DNHD1: variants seen among roughly 807,000 people sequenced by gnomAD.
DNHD1 encodes dynein heavy chain domain 1, also known as dynein heavy chain domain-containing protein 1.
A neutral mutation model predicts 458.1 loss-of-function variants in DNHD1; 383 were observed. The observed-to-expected ratio is 0.84, with a 90% CI of 0.77 to 0.91. The LOEUF is 0.91. DNHD1 is among the 40% of genes least tolerant of loss of function. The probability of loss-of-function intolerance (pLI) is 0.00; values close to 1 mark genes in which losing one functional copy is unlikely to be tolerated. For synonymous variants in DNHD1, 2,203 were observed against 2,376.9 expected (o/e 0.93, Z 2.13); for missense variants, 5,336 against 5,866.1 (o/e 0.91, Z 2.95).
intron 7 of DNHD1, 145 bp downstream of exon 7, chr11:6,511,574 CA>C (rs1282376298): frequency 7.6e-6 from 8 of 1,054,462 alleles, no homozygotes; most frequent in Admixed American, 2.7e-5. Context: ...TGCCCAGCAA[CA>C]GCAGTTTCTG....
chr11:6,564,394 T>C lies in DNHD1; in HGVS notation c.10346T>C (p.Ile3449Thr), dbSNP rs777018534. 9.7e-6 allele frequency: 15 copies of C among 1,551,256 alleles called. No individual in the cohort carries two copies. In the African/African-American group the frequency reaches 1.8e-4, roughly 18 times the overall value. The change falls in exon 32 of 43, where the codon ATC becomes ACC. Residue 3449 changes from isoleucine (I) to threonine (T), a missense_variant. Ile to Thr is a moderately conservative substitution (Grantham distance 89). This residue lies in a region of DNHD1 where 3,932 missense variants were observed against 4,365.6 expected (regional missense o/e 0.90). Coordinates refer to ENST00000254579, the MANE Select transcript of DNHD1 (RefSeq NM_144666.3). The stretch of plus-strand genomic sequence containing the variant: ...ACCCTCCTATGTTCAGCTGCCATCA[T>C]CTACCTGGGTCCCTTCCCACCATTG... Reference protein sequence around the residue: ...GDTLLCSAAIIYLGPFPPLRR... With the variant: ...GDTLLCSAAITYLGPFPPLRR...
At chr11:6,536,688 A>AT (rs1161238129) in intron 14 of DNHD1, among the ~76,000 whole-genome samples, 10 of 152,330 alleles carry the variant, frequency 6.6e-5, no homozygotes, top group Non-Finnish European at 1.5e-5. Context: ...AAAAAGTTTT[A>AT]AAATGCATGG....
At chr11:6,534,338 A>G (rs1015087862) in intron 14 of DNHD1, 165 bp downstream of exon 14, 8 of 732,344 alleles carry the variant, frequency 1.1e-5, no homozygotes, top group African/African-American at 8.9e-5. Flanking sequence ...GGACAAAAAC[A>G]TCATATATTG....
rs1157316638 is a variant in DNHD1 at position 6,534,063 on chromosome 11, C to T, written c.2888C>T (p.Pro963Leu). The part of the protein sequence containing the change: ...AKALSGPFMD[P>L]TQDQRSTEHQ... Reference sequence around the variant, plus strand: ...GCCCTCTCCGGTCCCTTTATGGACCCCACACAAGATCAGAGGAGTACTGAG... The same window carrying T: ...GCCCTCTCCGGTCCCTTTATGGACCTCACACAAGATCAGAGGAGTACTGAG... The change falls in exon 14 of 43, where the codon CCC (proline) becomes CTC (leucine). Residue 963 changes from proline (P) to leucine (L), a missense_variant. By Grantham distance (98) the Pro-to-Leu change is moderately conservative (BLOSUM62 -3). Transcript: ENST00000254579. The T allele has an allele frequency of 6.4e-7, 1 of 1,551,492 alleles. No homozygotes were observed. The highest frequency in any genetic ancestry group is 1.4e-5 in the African/African-American group (1 of 73,088).
chr11:6,525,342 C>A (rs998484816), intron 10 of DNHD1, among the ~76,000 whole-genome samples: 1 of 152,138 alleles, frequency 6.6e-6, no homozygotes, highest in Admixed American at 6.5e-5. Flanking sequence ...TTCTCAGTGT[C>A]TCATGGGAGA....
chr11:6,568,649 T>C lies in DNHD1; in HGVS notation c.12662-16T>C. The C allele has an allele frequency of 6.2e-7, 1 of 1,613,888 alleles. No individual in the cohort carries two copies. The highest frequency in any genetic ancestry group is 8.5e-7 in the Non-Finnish European group (1 of 1,179,868). On this transcript the variant is annotated splice_polypyrimidine_tract_variant and intron_variant, in intron 38 of 42. Transcript: ENST00000254579. Reference sequence around the variant, plus strand: ...CAACTGTGCTGTGCTGACTCAGCACTCTCCTTCCTCCCCAGCTGTGCTGAC... The same window carrying C: ...CAACTGTGCTGTGCTGACTCAGCACCCTCCTTCCTCCCCAGCTGTGCTGAC...
rs537567070 is a variant in DNHD1 at position 6,541,741 on chromosome 11, TATC to T, written c.3628+1661_3628+1663del. ...ACATAATTAGATTTTAGTTTAACAA[TATC>T]ATTCTGGTTTCAATGTGGAGAATGG... is the stretch of plus-strand genomic sequence containing the variant. On this transcript the variant is annotated intron_variant, in intron 18 of 42. Transcript: ENST00000254579. 2.0e-5 allele frequency among the ~76,000 whole-genome samples: 3 copies of T among 152,324 alleles called. No homozygotes were observed. The South Asian group carries it at 6.2e-4, about 32-fold the overall frequency.
Position 6,519,864 on chromosome 11 carries a change from T to C in DNHD1, c.1647+10T>C, listed in dbSNP as rs1852568654. Reference sequence around the variant, plus strand: ...GGCCAACATCCTTCAAGTGAGGTGGTGGGTGGCATGTGTGGAGGTGGCAGG... The same window carrying C: ...GGCCAACATCCTTCAAGTGAGGTGGCGGGTGGCATGTGTGGAGGTGGCAGG... On this transcript the variant is annotated intron_variant, in intron 8 of 42. Transcript: ENST00000254579. 1 of 1,612,546 alleles carries C rather than the reference T, an allele frequency of 6.2e-7. No individual in the cohort carries two copies. The highest frequency in any genetic ancestry group is 8.5e-7 in the Non-Finnish European group (1 of 1,179,862).
intron 3 of DNHD1, among the ~76,000 whole-genome samples, chr11:6,499,621 G>A (rs1400709626): frequency 6.6e-6 from 1 of 152,034 alleles, no homozygotes; most frequent in Admixed American, 6.6e-5. Flanking sequence ...AGGCTGGAGT[G>A]CAACGGCATG....
At chr11:6,555,045 C>T (rs1853433197) in intron 24 of DNHD1, among the ~76,000 whole-genome samples, 1 of 152,188 alleles carries the variant, frequency 6.6e-6, no homozygotes, top group South Asian at 2.1e-4. Flanking sequence ...TTAGAAGCGC[C>T]TCTCCCACCC....
At chr11:6,543,260 C>T (rs186190879) in intron 18 of DNHD1, among the ~76,000 whole-genome samples, 1 of 152,188 alleles carries the variant, frequency 6.6e-6, no homozygotes, top group Admixed American at 6.5e-5. Flanking sequence ...TCATTTTTAC[C>T]CCAATTAGTG....
chr11:6,550,077 C>T (rs1189750104), intron 24 of DNHD1, among the ~76,000 whole-genome samples: 3 of 152,184 alleles, frequency 2.0e-5, no homozygotes, highest in African/African-American at 7.2e-5. Flanking sequence ...TGTATTCGTA[C>T]TTAATAATAG....
At chr11:6,569,837 A>G (rs1035406524) in intron 39 of DNHD1, among the ~76,000 whole-genome samples, 172 bp from the exon 40 acceptor site, 1 of 152,172 alleles carries the variant, frequency 6.6e-6, no homozygotes, top group Non-Finnish European at 1.5e-5. Context: ...TAGGAGGTGG[A>G]ACAGGTTTTG....
In DNHD1 at chr11:6,556,771, G is replaced by A. The variant is rs1853470244; in HGVS notation, c.7476G>A (p.Gln2492=). The A allele has an allele frequency of 6.4e-7, 1 of 1,551,658 alleles. No homozygotes were observed. Among genetic ancestry groups the A allele is most frequent in the Non-Finnish European group, 8.7e-7 (1 of 1,146,936 alleles). ...TVYAHSTLEL[Q]TLQPTVNFLA... Reference sequence around the variant, plus strand: ...ATGCCCACAGCACCTTGGAACTGCAGACGCTGCAGCCTACAGTCAACTTCC... The same window carrying A: ...ATGCCCACAGCACCTTGGAACTGCAAACGCTGCAGCCTACAGTCAACTTCC... The change falls in exon 25 of 43, where the codon CAG becomes CAA. Residue 2492 remains glutamine, a synonymous_variant. Transcript: ENST00000254579.
At chr11:6,549,343 C>T (rs1263221759) in intron 24 of DNHD1, among the ~76,000 whole-genome samples, 1 of 152,248 alleles carries the variant, frequency 6.6e-6, no homozygotes, top group Non-Finnish European at 1.5e-5. Flanking sequence ...CATTCTCCTT[C>T]ACCAATATCC....
chr11:6,548,769 A>T lies in DNHD1; in HGVS notation c.7223A>T (p.Tyr2408Phe). Residue 2408 changes from tyrosine (Y) to phenylalanine (F), a missense_variant, in exon 24 of 43, where the codon TAC (tyrosine) becomes TTC (phenylalanine). Around this residue, in one of 4 missense-constraint regions of DNHD1, gnomAD observed 3,932 missense variants for 4,365.6 expected, o/e 0.90. Transcript: ENST00000254579. This position sits in a 1 kb window ranked among gnomAD's most constrained non-coding sequence, Gnocchi z 4.4. ...VEVLVEPHHPYIYSPIHPAFS... is the reference protein window; with the variant it reads ...VEVLVEPHHPFIYSPIHPAFS... ...GTGCTGGTAGAGCCACATCACCCTT[A>T]CATATACAGCCCCATCCACCCTGCC... 3 of 1,551,560 alleles carry T rather than the reference A, an allele frequency of 1.9e-6. No homozygotes were observed. Among genetic ancestry groups the T allele is most frequent in the Non-Finnish European group, 2.6e-6 (3 of 1,146,956 alleles).
rs1372108275 is a variant in DNHD1 at position 6,564,801 on chromosome 11, A to G, written c.10753A>G (p.Arg3585Gly). ...TTTTGCGCCAGCCCTCACTGAGGGT[A>G]GAGGTAAGCAGGCATAATAAATGCA... ...RSFAPALTEG[R>G]GKGLMRNQKR... The change falls in exon 32 of 43, where the codon AGA becomes GGA. Residue 3585 changes from arginine (R) to glycine (G), a missense_variant. Arg to Gly is a moderately radical substitution (Grantham distance 125, BLOSUM62 -2). This residue lies in a region of DNHD1 where 695 missense variants were observed against 804.2 expected (regional missense o/e 0.86). Coordinates refer to ENST00000254579, the MANE Select transcript of DNHD1 (RefSeq NM_144666.3). The G allele has an allele frequency of 3.3e-6, 5 of 1,511,052 alleles. No homozygotes were observed. The highest frequency in any genetic ancestry group is 4.5e-6 in the Non-Finnish European group (5 of 1,122,908). The allele number at this position is 1,511,052 out of a possible 1,614,324, so 93.6% of individuals were successfully genotyped here.
In DNHD1 at chr11:6,564,414, C is replaced by A. The variant is rs1444491114; in HGVS notation, c.10366C>A (p.Pro3456Thr). The A allele has an allele frequency of 3.9e-6, 6 of 1,551,610 alleles. No individual in the cohort carries two copies. The highest frequency in any genetic ancestry group is 5.2e-6 in the Non-Finnish European group (6 of 1,146,992). The change falls in exon 32 of 43, where the codon CCA becomes ACA. Residue 3456 changes from proline to threonine, a missense_variant. Physicochemically the swap from Pro to Thr is conservative, Grantham distance 38. Coordinates refer to ENST00000254579, the MANE Select transcript of DNHD1 (RefSeq NM_144666.3). Reference protein sequence around the residue: ...AAIIYLGPFPPLRRQELLDEW... With the variant: ...AAIIYLGPFPTLRRQELLDEW... The stretch of plus-strand genomic sequence containing the variant: ...CATCATCTACCTGGGTCCCTTCCCA[C>A]CATTGCGGCGCCAAGAGCTACTGGA...
chr11:6,546,011 T>C lies in DNHD1; in HGVS notation c.5072T>C (p.Val1691Ala), dbSNP rs1378910811. The change falls in exon 21 of 43, where the codon GTG becomes GCG. Residue 1691 changes from valine (V) to alanine (A), a missense_variant. Around this residue, in one of 4 missense-constraint regions of DNHD1, gnomAD observed 3,932 missense variants for 4,365.6 expected, o/e 0.90. Coordinates refer to ENST00000254579, the MANE Select transcript of DNHD1 (RefSeq NM_144666.3). ...GGGACCGTACTGGGTCCTAATGGTGTGGGCAAGAGAGCTATAGTGAACAGC... is the reference window on the plus strand; with the variant it reads ...GGGACCGTACTGGGTCCTAATGGTGCGGGCAAGAGAGCTATAGTGAACAGC... ...ACGTVLGPNG[V>A]GKRAIVNSLA... 4 of 1,551,654 alleles carry C rather than the reference T, an allele frequency of 2.6e-6. No individual in the cohort carries two copies. In the East Asian group the frequency reaches 7.3e-5, roughly 28 times the overall value.
Sources: allele counts gnomAD v4.1 joint callset (sites outside exome capture counted in the v4.1 genomes callset), GRCh38; gene constraint gnomAD v4.1.1; regional missense constraint gnomAD v4.1.1; non-coding constraint Gnocchi (gnomAD v3.1); transcripts MANE v1.5; gene names NCBI Gene and HGNC (gene_info 2026-07-23, HGNC 2026-07-21).